Variants in CDKAL1 observed in about 807,000 individuals in gnomAD.
CDKAL1 encodes threonylcarbamoyladenosine tRNA methylthiotransferase.
CDKAL1 carries 32 observed loss-of-function variants against 68.2 expected under a neutral mutation model. The observed-to-expected ratio is 0.47, with a 90% CI of 0.35 to 0.63. The LOEUF (loss-of-function observed/expected upper bound fraction) is 0.63. Among genes scored for constraint, CDKAL1 ranks in the 30% least tolerant of loss-of-function variants. The pLI, the probability that CDKAL1 is intolerant of heterozygous loss-of-function variation, is 0.00. For missense variants in CDKAL1, 606 were observed against 696.7 expected, an observed-to-expected ratio of 0.87 and a Z score of 1.47; for synonymous variants, 234 against 244.3, an observed-to-expected ratio of 0.96 and a Z score of 0.39.
At chr6:20,929,368 G>A (rs1763325102) in intron 9 of CDKAL1, among the ~76,000 whole-genome samples, 1 of 152,190 alleles carries the variant, frequency 6.6e-6, no homozygotes, top group Non-Finnish European at 1.5e-5. Context: ...TTCCTCTGCA[G>A]CACAACGTAG....
intron 5 of CDKAL1, among the ~76,000 whole-genome samples, chr6:20,718,843 A>G (rs1163131983): frequency 6.6e-6 from 1 of 152,196 alleles, no homozygotes; most frequent in African/African-American, 2.4e-5. Context: ...AAAACTTCTT[A>G]CTATTTGGAA....
At chr6:20,974,476 A>G (rs2150760195) in intron 10 of CDKAL1, among the ~76,000 whole-genome samples, 1 of 152,256 alleles carries the variant, frequency 6.6e-6, no homozygotes, top group Admixed American at 6.5e-5. Flanking sequence ...TGAAAAGAAC[A>G]TTGTGTTTCT....
In CDKAL1 at chr6:21,208,673, A is replaced by G. The variant is rs138043969; in HGVS notation, c.1548+7399A>G. Among the ~76,000 whole-genome samples, 138 of 152,302 alleles carry G rather than the reference A, an allele frequency of 9.1e-4. 1 individual carries two copies. The highest frequency in any genetic ancestry group is 3.2e-3 in the African/African-American group (133 of 41,566). On this transcript the variant is annotated intron_variant, in intron 15 of 15. Coordinates refer to ENST00000274695, the MANE Select transcript of CDKAL1 (RefSeq NM_017774.3). Reference sequence around the variant, plus strand: ...TTCATCGCTGCTAAGTTCACGTCACAAACAATTAAAACCATAGTACGTTTA... The same window carrying G: ...TTCATCGCTGCTAAGTTCACGTCACGAACAATTAAAACCATAGTACGTTTA...
At chr6:20,691,257 G>A (rs1770857185) in intron 5 of CDKAL1, among the ~76,000 whole-genome samples, 1 of 151,868 alleles carries the variant, frequency 6.6e-6, no homozygotes, top group Non-Finnish European at 1.5e-5. Context: ...ATTCACAGTG[G>A]TGCCCTCTGG....
chr6:20,915,751 A>C (rs1200498256), intron 9 of CDKAL1, among the ~76,000 whole-genome samples: 1 of 152,172 alleles, frequency 6.6e-6, no homozygotes, highest in Non-Finnish European at 1.5e-5. Flanking sequence ...TATATACATG[A>C]ATGTTCATAG....
intron 9 of CDKAL1, among the ~76,000 whole-genome samples, chr6:20,951,695 T>A (rs555811413): frequency 6.6e-6 from 1 of 152,360 alleles, no homozygotes; most frequent in East Asian, 1.9e-4. Flanking sequence ...GTGGACGATC[T>A]GATGAACATA....
chr6:20,731,470 G>C (rs148090900), intron 5 of CDKAL1, among the ~76,000 whole-genome samples: 7 of 152,296 alleles, frequency 4.6e-5, no homozygotes, highest in East Asian at 1.9e-4. Flanking sequence ...GAGAAGTTAA[G>C]AGTAATTCTA....
At chr6:20,599,301 G>A (rs1470798503) in intron 4 of CDKAL1, 1 of 440,374 alleles carries the variant, frequency 2.3e-6, no homozygotes, top group Non-Finnish European at 4.5e-6. Flanking sequence ...ATAATAACTT[G>A]TAAAGAATAA....
intron 4 of CDKAL1, among the ~76,000 whole-genome samples, chr6:20,612,455 G>T (rs1015656217): frequency 6.6e-6 from 1 of 151,562 alleles, no homozygotes; most frequent in Non-Finnish European, 1.5e-5. Flanking sequence ...TCTAACTGGG[G>T]TGAGATGATA....
At chr6:21,202,695 A>G (rs1778739206) in intron 15 of CDKAL1, among the ~76,000 whole-genome samples, 1 of 152,224 alleles carries the variant, frequency 6.6e-6, no homozygotes, top group African/African-American at 2.4e-5. Flanking sequence ...CCTCTTGGAA[A>G]GGGAGTATTG....
At chr6:20,844,144 T>G (rs1231855796) in intron 8 of CDKAL1, among the ~76,000 whole-genome samples, 1 of 152,122 alleles carries the variant, frequency 6.6e-6, no homozygotes, top group African/African-American at 2.4e-5. Flanking sequence ...AGGATGAAAG[T>G]GACAGGTTTA....
intron 11 of CDKAL1, among the ~76,000 whole-genome samples, chr6:21,029,362 T>A (rs1769138058): frequency 6.6e-6 from 1 of 152,104 alleles, no homozygotes; most frequent in African/African-American, 2.4e-5. Context: ...ACTGGCCAGC[T>A]CCTTCTTTTT....
chr6:20,657,856 A>C (rs1401572514), intron 5 of CDKAL1, among the ~76,000 whole-genome samples: 1 of 152,174 alleles, frequency 6.6e-6, no homozygotes, highest in African/African-American at 2.4e-5. Flanking sequence ...TATTGCCCTT[A>C]CTAATTTAGA....
At position 20,737,805 on chromosome 6, in the gene CDKAL1, A is replaced by G. The variant is rs375115020; in HGVS notation, c.372-1714A>G. Among the ~76,000 whole-genome samples the G allele has an allele frequency of 3.1e-4, 47 of 152,354 alleles. No homozygotes were observed. The South Asian group carries it at 9.5e-3, about 31-fold the overall frequency. ...TTTCAAGATTCCAAGAAGAAAAATTATATCAAAGTGTTCTTAGAAGCTATT... is the reference window on the plus strand; with the variant it reads ...TTTCAAGATTCCAAGAAGAAAAATTGTATCAAAGTGTTCTTAGAAGCTATT... On this transcript the variant is annotated intron_variant, in intron 5 of 15. Coordinates refer to ENST00000274695, the MANE Select transcript of CDKAL1 (RefSeq NM_017774.3).
At chr6:20,755,228 G>A (rs183349440) in intron 6 of CDKAL1, among the ~76,000 whole-genome samples, 1 of 151,946 alleles carries the variant, frequency 6.6e-6, no homozygotes, top group Non-Finnish European at 1.5e-5. Flanking sequence ...TATTATCTTT[G>A]GCAATCTGAG....
chr6:20,804,043 A>G (rs1029412079), intron 8 of CDKAL1, among the ~76,000 whole-genome samples: 1 of 152,306 alleles, frequency 6.6e-6, no homozygotes, highest in African/African-American at 2.4e-5. Context: ...CCAATATTAT[A>G]TATTTAATTA....
At chr6:21,184,631 C>T (rs1356658254) in intron 13 of CDKAL1, among the ~76,000 whole-genome samples, 4 of 152,032 alleles carry the variant, frequency 2.6e-5, no homozygotes, top group Non-Finnish European at 5.9e-5. Flanking sequence ...CTTAGGCCTC[C>T]AGCCAATGCT....
In CDKAL1 at chr6:20,751,073, CA is replaced by C. The variant is rs889192201; in HGVS notation, c.469-7521del. On this transcript the variant is annotated intron_variant, in intron 6 of 15. Transcript: ENST00000274695. ...TGAAGTGTCAGTGTAGAGCATGAAA[CA>C]GAGTAATTGTTCAAGAAATGTTAGC... Among the ~76,000 whole-genome samples the C allele has an allele frequency of 2.1e-4, 30 of 144,986 alleles. 1 individual carries two copies. Among genetic ancestry groups the C allele is most frequent in the African/African-American group, 7.4e-4 (29 of 39,126 alleles).
chr6:20,793,235 T>C (rs1343413728), intron 8 of CDKAL1, among the ~76,000 whole-genome samples: 10 of 152,216 alleles, frequency 6.6e-5, no homozygotes, highest in Non-Finnish European at 1.5e-4. Flanking sequence ...TCTGTCTACT[T>C]CAACTTTCTC....
Sources: allele counts gnomAD v4.1 joint callset (sites outside exome capture counted in the v4.1 genomes callset), GRCh38; gene constraint gnomAD v4.1.1; transcripts MANE v1.5; gene names NCBI Gene and HGNC (gene_info 2026-07-23, HGNC 2026-07-21).